MPHOSPH8: variants seen among roughly 807,000 people sequenced by gnomAD.
The protein encoded by MPHOSPH8 is M-phase phosphoprotein 8.
In MPHOSPH8, 45 loss-of-function variants were observed where a neutral mutation model predicts 87.3. That is an observed-to-expected ratio of 0.52 (90% CI 0.41 to 0.66). MPHOSPH8 has a LOEUF of 0.66. MPHOSPH8 is among the 30% of genes least tolerant of loss of function. The pLI, the probability that MPHOSPH8 is intolerant of heterozygous loss-of-function variation, is 0.00. For synonymous variants in MPHOSPH8, 366 were observed against 376.9 expected (o/e 0.97, Z 0.33); for missense variants, 883 against 1,020.2 (o/e 0.87, Z 1.83).
chr13:19,634,305 G>A (rs1260543803), intron 1 of MPHOSPH8, among the ~76,000 whole-genome samples: 2 of 152,164 alleles, frequency 1.3e-5, no homozygotes, highest in Non-Finnish European at 2.9e-5. Flanking sequence ...GCTTCTCGTC[G>A]TAGTCCACTG....
In MPHOSPH8 at chr13:19,661,857, A is replaced by G. The variant is rs774437765; in HGVS notation, c.1932+19A>G. The G allele has an allele frequency of 1.9e-6, 3 of 1,593,774 alleles. No homozygotes were observed. The African/African-American group carries it at 4.1e-5, about 22-fold the overall frequency. ...AGAGAAGGTTTGTGGCTTCTTATGC[A>G]TCAGTTTCAGAGCTTTCATGGTATT... is the stretch of plus-strand genomic sequence containing the variant. On this transcript the variant is annotated intron_variant, in intron 8 of 13. Transcript: ENST00000361479.
chr13:19,647,273 C>G lies in MPHOSPH8; in HGVS notation c.1200C>G (p.Ser400=), dbSNP rs539097108. The G allele has an allele frequency of 2.0e-5, 32 of 1,603,290 alleles. No individual in the cohort carries two copies. Among genetic ancestry groups the G allele is most frequent in the Admixed American group, 1.4e-4 (8 of 56,582 alleles). Reference sequence around the variant, plus strand: ...GCGGGGAAGAGAGAGGCCTCTGGTCCACGGACTCAGCCGAGGAGGTAAGGG... The same window carrying G: ...GCGGGGAAGAGAGAGGCCTCTGGTCGACGGACTCAGCCGAGGAGGTAAGGG... The part of the protein sequence containing the change: ...RLSGEERGLW[S]TDSAEEDKET... Residue 400 remains serine, a synonymous_variant, in exon 3 of 14, where the codon TCC becomes TCG. Transcript: ENST00000361479.
Position 19,672,546 on chromosome 13 carries a change from T to G in MPHOSPH8, c.*671T>G, listed in dbSNP as rs996813582. On this transcript the variant is annotated 3_prime_UTR_variant, in exon 14 of 14. Transcript: ENST00000361479. ...AAAATTCAGCTCTAAAACATTTGCTTACAGCAAGGGAGCCATGTTATATTC... is the reference window on the plus strand; with the variant it reads ...AAAATTCAGCTCTAAAACATTTGCTGACAGCAAGGGAGCCATGTTATATTC... 1 of 151,732 alleles carries G rather than the reference T, an allele frequency of 6.6e-6. No homozygotes were observed. Among genetic ancestry groups the G allele is most frequent in the Admixed American group, 6.6e-5 (1 of 15,244 alleles). The allele number at this position is 151,732 out of a possible 1,614,324, so 9.4% of individuals were successfully genotyped here. A position where few individuals can be genotyped will look rare whatever the true frequency, so the allele number is the denominator to read the frequency against.
rs2137487248 is a variant in MPHOSPH8, at chr13:19,633,706, T to C, written c.-43T>C. The stretch of plus-strand genomic sequence containing the variant: ...GGAACGCGAGGGGCTGCTGGGGTGT[T>C]TGTCGCAGCGGGTTTTCCTCGGCGG... On this transcript the variant is annotated 5_prime_UTR_variant, in exon 1 of 14. Transcript: ENST00000361479. 2 of 1,551,834 alleles carry C rather than the reference T, an allele frequency of 1.3e-6. No individual in the cohort carries two copies. The highest frequency in any genetic ancestry group is 2.4e-5 in the East Asian group (1 of 41,646).
At chr13:19,635,723 T>A (rs1252925075) in intron 1 of MPHOSPH8, among the ~76,000 whole-genome samples, 3 of 152,200 alleles carry the variant, frequency 2.0e-5, no homozygotes, top group Admixed American at 2.0e-4. Flanking sequence ...TGAGTTAAAA[T>A]TCAAGTTCTT....
At chr13:19,662,092 C>A (rs1875569479) in intron 8 of MPHOSPH8, among the ~76,000 whole-genome samples, 1 of 151,950 alleles carries the variant, frequency 6.6e-6, no homozygotes, top group South Asian at 2.1e-4. Context: ...GTACCTGCCA[C>A]CACACCCGGC....
intron 5 of MPHOSPH8, among the ~76,000 whole-genome samples, chr13:19,655,643 C>T (rs1875119275): frequency 6.6e-6 from 1 of 152,186 alleles, no homozygotes; most frequent in Non-Finnish European, 1.5e-5. Context: ...CTCAGCCTCC[C>T]AGTGTGCTGG....
At chr13:19,669,313 C>T (rs1875990122) in intron 11 of MPHOSPH8, among the ~76,000 whole-genome samples, 1 of 151,852 alleles carries the variant, frequency 6.6e-6, no homozygotes, top group Non-Finnish European at 1.5e-5. Flanking sequence ...TCCCAAAGTG[C>T]TGGGATTACA....
At chr13:19,658,127 T>C (rs1449515575) in intron 5 of MPHOSPH8, among the ~76,000 whole-genome samples, 1 of 152,246 alleles carries the variant, frequency 6.6e-6, no homozygotes, top group Non-Finnish European at 1.5e-5. Context: ...TTCTCTGCTG[T>C]CAGCTCTCAG....
At chr13:19,662,894 G>A (rs779240512) in intron 8 of MPHOSPH8, 146 bp from the exon 9 acceptor site, 5 of 685,076 alleles carry the variant, frequency 7.3e-6, no homozygotes, top group Middle Eastern at 4.0e-4. Context: ...GTGCACCCCC[G>A]TGGCCCCACG....
rs920420297 is a variant in MPHOSPH8, at chr13:19,660,757, T to G, written c.1792-941T>G. Among the ~76,000 whole-genome samples the G allele has an allele frequency of 5.9e-5, 9 of 152,324 alleles. No individual in the cohort carries two copies. In the East Asian group the frequency reaches 1.7e-3, roughly 29 times the overall value. Reference sequence around the variant, plus strand: ...TTTTGTTTTCTAACTGGTTATTGCTTGTCGATGGTAAAGCTGTGGATGTCT... The same window carrying G: ...TTTTGTTTTCTAACTGGTTATTGCTGGTCGATGGTAAAGCTGTGGATGTCT... On this transcript the variant is annotated intron_variant, in intron 7 of 13. Transcript: ENST00000361479.
chr13:19,666,614 CAT>C lies in MPHOSPH8; in HGVS notation c.2174+38_2174+39del, dbSNP rs778710186. 14 of 1,540,900 alleles carry C rather than the reference CAT, an allele frequency of 9.1e-6. No individual in the cohort carries two copies. The Admixed American group carries it at 1.6e-4, about 17-fold the overall frequency. On this transcript the variant is annotated intron_variant, in intron 10 of 13. Coordinates refer to ENST00000361479, the MANE Select transcript of MPHOSPH8 (RefSeq NM_017520.4). ...AAGCGACTGTGCCATAGTTAAGTCA[CAT>C]ATCATACATCTGTTTATGTAGACAT...
In MPHOSPH8 at chr13:19,650,279, T is replaced by G; in HGVS notation, c.1576+19T>G. On this transcript the variant is annotated intron_variant, in intron 5 of 13. Coordinates refer to ENST00000361479, the MANE Select transcript of MPHOSPH8 (RefSeq NM_017520.4). ...AATTCAGGTGAGTTTGGAATCATTT[T>G]GCAGAATTTTTCAAGGTAGTGCACC... 6.2e-7 allele frequency: 1 copy of G among 1,607,196 alleles called. No individual in the cohort carries two copies. Among genetic ancestry groups the G allele is most frequent in the Non-Finnish European group, 8.5e-7 (1 of 1,176,160 alleles).
At chr13:19,655,380 A>G (rs1430818311) in intron 5 of MPHOSPH8, among the ~76,000 whole-genome samples, 1 of 152,142 alleles carries the variant, frequency 6.6e-6, no homozygotes, top group Non-Finnish European at 1.5e-5. Context: ...AGACAGGAGG[A>G]CCACTTGAGC....
chr13:19,673,047 C>CTTG lies in MPHOSPH8; in HGVS notation c.*1174_*1176dup, dbSNP rs1876226969. ...TCCAGCCTGAGTGACAGAATGAGAC[C>CTTG]TTGTCTCAAAAAAAAAAAAAAGTTT... On this transcript the variant is annotated 3_prime_UTR_variant, in exon 14 of 14. Coordinates refer to ENST00000361479, the MANE Select transcript of MPHOSPH8 (RefSeq NM_017520.4). The CTTG allele has an allele frequency of 2.3e-6, 1 of 438,546 alleles. No individual in the cohort carries two copies. Among genetic ancestry groups the CTTG allele is most frequent in the Non-Finnish European group, 4.5e-6 (1 of 222,838 alleles). 27.2% of individuals were successfully genotyped at this position (438,546 alleles called of 1,614,324 possible).
In MPHOSPH8 at chr13:19,633,661, T is replaced by C; in HGVS notation, c.-88T>C. 2 of 1,390,132 alleles carry C rather than the reference T, an allele frequency of 1.4e-6. No individual in the cohort carries two copies. The highest frequency in any genetic ancestry group is 1.4e-5 in the African/African-American group (1 of 69,844). 86.1% of individuals were successfully genotyped at this position (1,390,132 alleles called of 1,614,324 possible). ...TGGTCGGCTTCCGTTACGCCGCTGA[T>C]GTGGAGTAGGGCCGAGCGCGGAACG... On this transcript the variant is annotated 5_prime_UTR_variant, in exon 1 of 14. It removes an upstream start codon present in the reference 5' UTR. Coordinates refer to ENST00000361479, the MANE Select transcript of MPHOSPH8 (RefSeq NM_017520.4).
At chr13:19,635,445 T>C (rs1873956047) in intron 1 of MPHOSPH8, among the ~76,000 whole-genome samples, 1 of 152,178 alleles carries the variant, frequency 6.6e-6, no homozygotes, top group Admixed American at 6.5e-5. Context: ...GGAGAATTGC[T>C]TGAACCCGGG....
chr13:19,639,579 G>C (rs1874180420), intron 1 of MPHOSPH8, among the ~76,000 whole-genome samples: 3 of 152,028 alleles, frequency 2.0e-5, no homozygotes, highest in Admixed American at 2.0e-4. Context: ...AAAGTGCTGG[G>C]ATTACAGGTG....
At chr13:19,640,061 G>A (rs1023818235) in intron 1 of MPHOSPH8, among the ~76,000 whole-genome samples, 3 of 151,844 alleles carry the variant, frequency 2.0e-5, no homozygotes, top group Middle Eastern at 3.4e-3. Flanking sequence ...AGCCAAGATC[G>A]CGCCACTACT....
Sources: gnomAD v4.1 joint callset for allele counts (sites outside exome capture counted in the v4.1 genomes callset) on GRCh38, gnomAD v4.1.1 for gene constraint, MANE v1.5 for transcripts, NCBI Gene and HGNC (gene_info 2026-07-23, HGNC 2026-07-21) for gene names.